The following TJAP1 variants were observed in gnomAD, a reference collection of about 807,000 sequenced individuals.
TJAP1 encodes tight junction associated protein 1.
A neutral mutation model predicts 42.0 loss-of-function variants in TJAP1; 27 were observed. The ratio of observed to expected loss-of-function variants is 0.64; its 90% confidence interval spans 0.47 to 0.89. TJAP1 has a LOEUF of 0.89. Ranked by LOEUF, TJAP1 falls within the 40% of genes least tolerant of loss-of-function variation. The pLI, the probability that TJAP1 is intolerant of heterozygous loss-of-function variation, is 0.00. For synonymous variants in TJAP1, 257 were observed against 288.4 expected (o/e 0.89, Z 1.10); for missense variants, 712 against 726.9 (o/e 0.98, Z 0.24).
intron 8 of TJAP1, 161 bp downstream of exon 8, chr6:43,502,778 G>C: frequency 1.2e-6 from 1 of 829,770 alleles, no homozygotes; most frequent in East Asian, 2.7e-5. Flanking sequence ...TCCCTCCCAG[G>C]AGAGAGGTGG....
intron 7 of TJAP1, 45 bp downstream of exon 7, chr6:43,502,394 C>CAT: frequency 6.2e-7 from 1 of 1,600,610 alleles, no homozygotes; most frequent in Non-Finnish European, 8.5e-7. Context: ...GTGCTCATAG[C>CAT]ATAGCAGGGG....
chr6:43,503,081 G>A (rs1197713103), intron 8 of TJAP1: 3 of 465,904 alleles, frequency 6.4e-6, no homozygotes, highest in African/African-American at 5.8e-5. Flanking sequence ...CTGGTTTGCA[G>A]TTACTGCCGT....
intron 10 of TJAP1, chr6:43,504,376 A>G (rs1791749614): frequency 4.2e-6 from 1 of 236,870 alleles, no homozygotes; most frequent in South Asian, 6.4e-5. Context: ...CGGCCTCCCA[A>G]AGTGCTGGGA....
At chr6:43,479,612 G>A (rs1417931215) in intron 2 of TJAP1, among the ~76,000 whole-genome samples, 1 of 152,110 alleles carries the variant, frequency 6.6e-6, no homozygotes, top group East Asian at 1.9e-4. Flanking sequence ...CACTATGATG[G>A]CACCTGTGAA....
At chr6:43,478,337 C>T (rs185377433) in intron 2 of TJAP1, 105 bp downstream of exon 2, 10 of 152,322 alleles carry the variant, frequency 6.6e-5, no homozygotes, top group African/African-American at 1.9e-4. Context: ...AAAGGGCTCA[C>T]TTTTATAGAG....
At chr6:43,502,105 C>G (rs1254134464) in intron 6 of TJAP1, among the ~76,000 whole-genome samples, 178 bp from the exon 7 acceptor site, 3 of 150,690 alleles carry the variant, frequency 2.0e-5, no homozygotes, top group Admixed American at 6.6e-5. Context: ...CTCTCTCTCT[C>G]TCTCTCCTTT....
At chr6:43,490,467 T>C (rs1282324999) in intron 2 of TJAP1, among the ~76,000 whole-genome samples, 1 of 152,160 alleles carries the variant, frequency 6.6e-6, no homozygotes, top group Admixed American at 6.5e-5. Flanking sequence ...CTAGATCAGA[T>C]CATTTCCTCC....
In TJAP1 at chr6:43,505,698, C is replaced by T. The variant is rs1192720346; in HGVS notation, c.1517C>T (p.Thr506Ile). The T allele has an allele frequency of 3.8e-6, 6 of 1,598,360 alleles. No individual in the cohort carries two copies. The highest frequency in any genetic ancestry group is 1.3e-5 in the African/African-American group (1 of 74,552). Residue 506 changes from threonine (T) to isoleucine (I), a missense_variant, in exon 11 of 11, where the codon ACA (threonine) becomes ATA (isoleucine). Thr to Ile is a moderately conservative substitution (Grantham distance 89). This residue lies in a region of TJAP1 where 549 missense variants were observed against 528.2 expected (regional missense o/e 1.04). Coordinates refer to ENST00000372449, the Ensembl canonical transcript of TJAP1. The surrounding 1 kb of genome is among the most constrained non-coding windows in gnomAD (Gnocchi z 5.5). ...AGCCTGCTGCCCATTAACAGGGGCA[C>T]AGAGGAGGGGCCAGGCACTTCCCAC... is the stretch of plus-strand genomic sequence containing the variant.
At chr6:43,486,395 G>A (rs1384877443) in intron 2 of TJAP1, among the ~76,000 whole-genome samples, 3 of 138,390 alleles carry the variant, frequency 2.2e-5, no homozygotes, top group South Asian at 2.3e-4. Context: ...TTGCTCTGTC[G>A]CCCAGTTGGG....
At chr6:43,499,946 G>A (rs914324079) in intron 4 of TJAP1, among the ~76,000 whole-genome samples, 1 of 152,216 alleles carries the variant, frequency 6.6e-6, no homozygotes, top group Non-Finnish European at 1.5e-5. Context: ...AGGGAACTAA[G>A]GCTCGGTGAG....
chr6:43,477,890 G>C (rs568411303), intron 1 of TJAP1, among the ~76,000 whole-genome samples, 197 bp from the exon 2 acceptor site: 1 of 152,202 alleles, frequency 6.6e-6, no homozygotes, highest in Non-Finnish European at 1.5e-5. Flanking sequence ...GAGAAGCAGA[G>C]TCACAAGTTG....
rs779364259 is a variant in TJAP1 at position 43,502,429 on chromosome 6, ACT to A, written c.357+83_357+84del. 6.5e-5 allele frequency: 100 copies of A among 1,541,262 alleles called. No homozygotes were observed. In the African/African-American group the frequency reaches 1.2e-3, roughly 19 times the overall value. On this transcript the variant is annotated intron_variant, in intron 7 of 10. Coordinates refer to ENST00000372449, the Ensembl canonical transcript of TJAP1. Reference sequence around the variant, plus strand: ...GGCCAGGATTTGCCAGGGGAATGCCACTCTGCCCTGGGGCTTGAGGGAGATGG... The same window carrying A: ...GGCCAGGATTTGCCAGGGGAATGCCACTGCCCTGGGGCTTGAGGGAGATGG...
At chr6:43,503,830 A>G in intron 10 of TJAP1, 124 bp downstream of exon 10, 1 of 833,878 alleles carries the variant, frequency 1.2e-6, no homozygotes, top group Non-Finnish European at 2.0e-6. Context: ...TCTTGCCTCC[A>G]TGTCACCTCT....
At chr6:43,481,149 G>T (rs1299470761) in intron 2 of TJAP1, among the ~76,000 whole-genome samples, 2 of 152,122 alleles carry the variant, frequency 1.3e-5, no homozygotes, top group African/African-American at 4.8e-5. Context: ...ATGTTTAGGG[G>T]CTGAGTTTTT....
exon 9 of TJAP1, chr6:43,503,426 A>G (rs1791430154): frequency 1.9e-6 from 3 of 1,613,904 alleles, no homozygotes; most frequent in Admixed American, 1.7e-5. Flanking sequence ...ATGGATAGGA[A>G]GACGCTGGAC....
chr6:43,501,323 C>G (rs1048465528), intron 5 of TJAP1: 1 of 577,820 alleles, frequency 1.7e-6, no homozygotes, highest in African/African-American at 1.9e-5. Flanking sequence ...CCTCCCCTGA[C>G]CCTCCAACCC....
At chr6:43,502,841 C>A (rs1791280862) in intron 8 of TJAP1, 2 of 605,904 alleles carry the variant, frequency 3.3e-6, no homozygotes, top group South Asian at 3.9e-5. Flanking sequence ...ATTGATGTCT[C>A]CACTGAACAC....
intron 6 of TJAP1, 50 bp from the exon 7 acceptor site, chr6:43,502,233 G>A (rs879167542): frequency 6.2e-7 from 1 of 1,601,838 alleles, no homozygotes. Context: ...AACAGAGCCT[G>A]AAGAACAGGA....
At chr6:43,479,990 C>CA (rs879342376) in intron 2 of TJAP1, among the ~76,000 whole-genome samples, 39 of 142,536 alleles carry the variant, frequency 2.7e-4, no homozygotes, top group Admixed American at 1.3e-3. Flanking sequence ...AAAGCGTCTC[C>CA]AAAAAAAAAA....
Sources: allele counts gnomAD v4.1 joint callset (sites outside exome capture counted in the v4.1 genomes callset), GRCh38; gene constraint gnomAD v4.1.1; regional missense constraint gnomAD v4.1.1; non-coding constraint Gnocchi (gnomAD v3.1); transcripts MANE v1.5; gene names NCBI Gene and HGNC (gene_info 2026-07-23, HGNC 2026-07-21).